MICU1: variants seen among roughly 807,000 people sequenced by gnomAD.
MICU1 encodes calcium uptake protein 1, mitochondrial.
In MICU1, 45 loss-of-function variants were observed where a neutral mutation model predicts 56.8. The observed-to-expected ratio is 0.79, with a 90% CI of 0.62 to 1.02. The LOEUF (loss-of-function observed/expected upper bound fraction) is 1.02. Among genes scored for constraint, MICU1 ranks in the 50% least tolerant of loss-of-function variants. The probability of loss-of-function intolerance (pLI) is 0.00; values close to 1 mark genes in which losing one functional copy is unlikely to be tolerated. For synonymous variants in MICU1, 186 were observed against 195.1 expected, an observed-to-expected ratio of 0.95 and a Z score of 0.39; for missense variants, 504 against 587.1, an observed-to-expected ratio of 0.86 and a Z score of 1.46.
chr10:72,516,043 T>C (rs1472051209), intron 5 of MICU1, among the ~76,000 whole-genome samples: 1 of 152,160 alleles, frequency 6.6e-6, no homozygotes, highest in Non-Finnish European at 1.5e-5. Context: ...ATTACAAAAT[T>C]AAAATATATA....
intron 10 of MICU1, among the ~76,000 whole-genome samples, chr10:72,391,268 C>T (rs1175951413): frequency 1.3e-5 from 2 of 152,136 alleles, no homozygotes; most frequent in Admixed American, 1.3e-4. Context: ...CCTCTCTCTA[C>T]TAAAAATACA....
At chr10:72,481,479 T>G (rs1421444577) in intron 6 of MICU1, among the ~76,000 whole-genome samples, 1 of 152,212 alleles carries the variant, frequency 6.6e-6, no homozygotes, top group Non-Finnish European at 1.5e-5. Context: ...TGGCATGATC[T>G]TGGCTCACTG....
At chr10:72,563,609 A>G (rs907346680) in intron 2 of MICU1, among the ~76,000 whole-genome samples, 1 of 152,202 alleles carries the variant, frequency 6.6e-6, no homozygotes, top group African/African-American at 2.4e-5. Context: ...GAATAAGTAG[A>G]GTTTCAGTTT....
intron 8 of MICU1, among the ~76,000 whole-genome samples, chr10:72,424,711 G>C (rs1372807151): frequency 6.6e-6 from 1 of 152,278 alleles, no homozygotes; most frequent in East Asian, 1.9e-4. Context: ...ATGTGACAGA[G>C]CTGGGATTTG....
intron 1 of MICU1, among the ~76,000 whole-genome samples, chr10:72,568,672 A>C (rs1840507558): frequency 6.6e-6 from 1 of 150,996 alleles, no homozygotes; most frequent in Non-Finnish European, 1.5e-5. Flanking sequence ...AGCTGCAAAG[A>C]TTTGGGTGTT....
chr10:72,400,866 TACACAC>T (rs61091649), intron 10 of MICU1, among the ~76,000 whole-genome samples: 4,449 of 142,296 alleles, frequency 0.031, 216 homozygotes, highest in African/African-American at 0.11. Flanking sequence ...CTGGTGGTGC[TACACAC>T]ACACACACAC....
intron 8 of MICU1, among the ~76,000 whole-genome samples, chr10:72,459,790 G>A (rs1865590495): frequency 1.3e-5 from 2 of 152,132 alleles, no homozygotes; most frequent in African/African-American, 4.8e-5. Context: ...GAAAGCTATT[G>A]AGGTGTCTCA....
At chr10:72,557,133 T>C (rs1840178943) in intron 3 of MICU1, among the ~76,000 whole-genome samples, 1 of 152,118 alleles carries the variant, frequency 6.6e-6, no homozygotes, top group African/African-American at 2.4e-5. Context: ...ACAAGCATAT[T>C]AGTTAGGGTA....
intron 3 of MICU1, among the ~76,000 whole-genome samples, chr10:72,552,565 A>AT (rs1459137402): frequency 6.6e-6 from 1 of 151,968 alleles, no homozygotes; most frequent in African/African-American, 2.4e-5. Flanking sequence ...TTATTTATTT[A>AT]TTTTTTTGAG....
At chr10:72,552,435 A>G (rs185348407) in intron 3 of MICU1, among the ~76,000 whole-genome samples, 1 of 152,348 alleles carries the variant, frequency 6.6e-6, no homozygotes. Context: ...TAAATATCTT[A>G]TAAATAACTG....
chr10:72,522,494 T>C (rs1361920054), intron 5 of MICU1, among the ~76,000 whole-genome samples: 1 of 152,170 alleles, frequency 6.6e-6, no homozygotes, highest in Non-Finnish European at 1.5e-5. Context: ...CACCCTCCTT[T>C]GGCACACTTA....
chr10:72,604,186 C>G (rs1369501267), intron 1 of MICU1, among the ~76,000 whole-genome samples: 1 of 151,796 alleles, frequency 6.6e-6, no homozygotes, highest in Non-Finnish European at 1.5e-5. Context: ...ATAACAATCT[C>G]TCTATATTTA....
chr10:72,555,751 C>T (rs1056001537), intron 3 of MICU1, among the ~76,000 whole-genome samples: 1 of 152,192 alleles, frequency 6.6e-6, no homozygotes, highest in Admixed American at 6.5e-5. Flanking sequence ...CCTCTACTTG[C>T]ATGGTAGTCC....
chr10:72,540,639 A>C (rs1321316659), intron 4 of MICU1, among the ~76,000 whole-genome samples: 1 of 152,234 alleles, frequency 6.6e-6, no homozygotes, highest in Non-Finnish European at 1.5e-5. Context: ...ATGCCACTGC[A>C]TTCTAGCCTG....
intron 6 of MICU1, among the ~76,000 whole-genome samples, chr10:72,501,966 G>A (rs540652167): frequency 6.6e-6 from 1 of 152,102 alleles, no homozygotes; most frequent in African/African-American, 2.4e-5. Context: ...TTATTTTTAA[G>A]TCAAGAAAAA....
At chr10:72,544,057 G>A (rs999824624) in intron 4 of MICU1, among the ~76,000 whole-genome samples, 1 of 152,182 alleles carries the variant, frequency 6.6e-6, no homozygotes, top group Non-Finnish European at 1.5e-5. Context: ...GACCTAAACG[G>A]TTATGTTATC....
At chr10:72,591,992 A>C (rs1841238523) in intron 1 of MICU1, among the ~76,000 whole-genome samples, 1 of 151,096 alleles carries the variant, frequency 6.6e-6, no homozygotes, top group East Asian at 2.0e-4. Flanking sequence ...CCTGGGCGAC[A>C]AAGTGAGGCC....
intron 1 of MICU1, among the ~76,000 whole-genome samples, chr10:72,619,904 T>C (rs1842063500): frequency 6.6e-6 from 1 of 152,168 alleles, no homozygotes; most frequent in African/African-American, 2.4e-5. Flanking sequence ...TGTCTCATTC[T>C]GACTAGAACA....
intron 5 of MICU1, among the ~76,000 whole-genome samples, chr10:72,519,178 C>G (rs2132376667): frequency 6.6e-6 from 1 of 152,292 alleles, no homozygotes; most frequent in South Asian, 2.1e-4. Flanking sequence ...GTTACCTCTT[C>G]TTAGAGAAGA....
Sources: allele counts gnomAD v4.1 joint callset (sites outside exome capture counted in the v4.1 genomes callset), GRCh38; gene constraint gnomAD v4.1.1; transcripts MANE v1.5; gene names NCBI Gene and HGNC (gene_info 2026-07-23, HGNC 2026-07-21).